Variants in ERICH1 observed in about 807,000 individuals in gnomAD.
ERICH1 encodes the protein glutamate-rich protein 1.
Under a neutral mutation model 39.6 loss-of-function variants are expected in ERICH1, and 56 were observed. The ratio of observed to expected loss-of-function variants is 1.41; its 90% CI spans 1.14 to 1.77. The LOEUF (loss-of-function observed/expected upper bound fraction) is 1.77. Ranked by LOEUF, ERICH1 falls within the 40% of genes most tolerant of loss-of-function variation. The probability of loss-of-function intolerance (pLI) is 0.00; values close to 1 mark genes in which losing one functional copy is unlikely to be tolerated. For missense variants in ERICH1, 826 were observed against 575.4 expected, an observed-to-expected ratio of 1.44 and a Z score of -4.45; for synonymous variants, 313 against 223.6, an observed-to-expected ratio of 1.40 and a Z score of -3.57.
rs775550752 is a variant in ERICH1 at position 673,670 on chromosome 8, C to A, written c.682G>T (p.Asp228Tyr). 6.2e-7 allele frequency: 1 copy of A among 1,613,446 alleles called. No individual in the cohort carries two copies. Among genetic ancestry groups the A allele is most frequent in the Non-Finnish European group, 8.5e-7 (1 of 1,179,644 alleles). ...TCCGCACCATCTTCCTCCCTGGTAT[C>A]TTTAACGTCTTCCTCCCCGGCCAGT... ...PTLAGEEDVKDTREEDGADAS... is the reference protein window; with the variant it reads ...PTLAGEEDVKYTREEDGADAS... The change falls in exon 4 of 6, where the codon GAT (aspartate) becomes TAT (tyrosine). Residue 228 changes from aspartate to tyrosine, a missense_variant. Coordinates refer to ENST00000262109, the MANE Select transcript of ERICH1 (RefSeq NM_207332.3).
chr8:626,202 G>A (rs990905472), intron 3 of ERICH1: 1 of 152,214 alleles, frequency 6.6e-6, no homozygotes. Context: ...AGAATTGTCT[G>A]TAGAGTCTGA....
At chr8:652,945 G>C (rs1800159540) in intron 3 of ERICH1, among the ~76,000 whole-genome samples, 1 of 152,222 alleles carries the variant, frequency 6.6e-6, no homozygotes, top group South Asian at 2.1e-4. Flanking sequence ...TTACAAACGA[G>C]AAATAAGTGC....
intron 2 of ERICH1, among the ~76,000 whole-genome samples, chr8:712,858 G>A (rs1472001239): frequency 1.3e-5 from 2 of 152,118 alleles, no homozygotes; most frequent in Admixed American, 6.5e-5. Flanking sequence ...TTCATTACCT[G>A]CTTTTTCTTT....
Position 731,137 on chromosome 8 carries a change from T to C in ERICH1, c.22+3A>G. 1 of 1,523,668 alleles carries C rather than the reference T, an allele frequency of 6.6e-7. No individual in the cohort carries two copies. The highest frequency in any genetic ancestry group is 8.8e-7 in the Non-Finnish European group (1 of 1,138,198). The allele number at this position is 1,523,668 out of a possible 1,614,324, so 94.4% of individuals were successfully genotyped here. ...GGCAGGCCTCCGCACCGCACCCACCTACCGTGCTTCCTGTGCGCCGCCATG... is the reference window on the plus strand; with the variant it reads ...GGCAGGCCTCCGCACCGCACCCACCCACCGTGCTTCCTGTGCGCCGCCATG... On this transcript the variant is annotated splice_donor_region_variant and intron_variant, in intron 1 of 5. Transcript: ENST00000262109.
intron 3 of ERICH1, among the ~76,000 whole-genome samples, chr8:617,678 A>G (rs1797009935): frequency 6.7e-6 from 1 of 149,464 alleles, no homozygotes; most frequent in South Asian, 2.1e-4. Context: ...GTCTATCCTC[A>G]CTGCCCTCTA....
chr8:616,451 C>T (rs1312015812), intron 3 of ERICH1: 103 of 448,694 alleles, frequency 2.3e-4, no homozygotes, highest in South Asian at 1.5e-3. Flanking sequence ...CCTGGCTAAG[C>T]GGATTCAGCG....
chr8:717,077 G>C (rs1478439871), intron 1 of ERICH1, among the ~76,000 whole-genome samples: 1 of 152,166 alleles, frequency 6.6e-6, no homozygotes, highest in Admixed American at 6.5e-5. Flanking sequence ...TGGGAGTGAG[G>C]TGCAGTGTGG....
At chr8:677,375 G>T (rs1398377221) in intron 3 of ERICH1, among the ~76,000 whole-genome samples, 1 of 152,172 alleles carries the variant, frequency 6.6e-6, no homozygotes, top group Non-Finnish European at 1.5e-5. Context: ...TGTTGTGATT[G>T]GTATCCGTTC....
At chr8:661,021 G>A (rs1801353980), downstream of ERICH1, among the ~76,000 whole-genome samples, 1 of 152,138 alleles carries the variant, frequency 6.6e-6, no homozygotes. Context: ...TCACGCAGTG[G>A]ACCAAAGCCC....
At chr8:625,136 G>A (rs1441199994) in intron 3 of ERICH1, among the ~76,000 whole-genome samples, 4 of 152,076 alleles carry the variant, frequency 2.6e-5, no homozygotes, top group African/African-American at 7.2e-5. Flanking sequence ...CTCCAACATC[G>A]GAGATTACAA....
At chr8:619,230 G>A in intron 3 of ERICH1, among the ~76,000 whole-genome samples, 1 of 152,124 alleles carries the variant, frequency 6.6e-6, no homozygotes. Context: ...TAAAGAGAAA[G>A]CCTTGAGAAC....
intron 2 of ERICH1, among the ~76,000 whole-genome samples, chr8:704,050 C>T (rs958036205): frequency 6.6e-6 from 1 of 152,306 alleles, no homozygotes; most frequent in Non-Finnish European, 1.5e-5. Context: ...ATGATGGCAA[C>T]TGCCTTCTCA....
intron 1 of ERICH1, among the ~76,000 whole-genome samples, chr8:718,906 T>C (rs1471343505): frequency 2.6e-5 from 4 of 152,162 alleles, no homozygotes; most frequent in Non-Finnish European, 5.9e-5. Flanking sequence ...GTGCGGTTTG[T>C]CATTGCACTC....
chr8:688,108 G>C (rs757601575), intron 3 of ERICH1, among the ~76,000 whole-genome samples: 157 of 152,194 alleles, frequency 1.0e-3, no homozygotes, highest in Non-Finnish European at 1.8e-3. Context: ...GCAAAAACAC[G>C]GGAGACAGGA....
intron 3 of ERICH1, among the ~76,000 whole-genome samples, chr8:652,958 G>C (rs73670349): frequency 0.018 from 2,800 of 152,314 alleles, 91 homozygotes; most frequent in African/African-American, 0.064. Context: ...ATAAGTGCTG[G>C]AGAGGATGAG....
chr8:628,282 C>G lies in ERICH1; in HGVS notation c.977-12998G>C, dbSNP rs529790652. On this transcript the variant is annotated intron_variant, in intron 3 of 3. Transcript: ENST00000522706. Reference sequence around the variant, plus strand: ...CCTGGCCAGGGCCCCTGTGTCAGCTCAGAGCTGGCTGTGGGTGGACCTGCA... The same window carrying G: ...CCTGGCCAGGGCCCCTGTGTCAGCTGAGAGCTGGCTGTGGGTGGACCTGCA... 1.0e-3 allele frequency among the ~76,000 whole-genome samples: 157 copies of G among 152,344 alleles called. 1 individual carries two copies. Among genetic ancestry groups the G allele is most frequent in the African/African-American group, 3.7e-3 (153 of 41,582 alleles).
At position 720,575 on chromosome 8, in the gene ERICH1, G is replaced by C; in HGVS notation, c.23-4568C>G. On this transcript the variant is annotated intron_variant, in intron 1 of 5. Coordinates refer to ENST00000262109, the MANE Select transcript of ERICH1 (RefSeq NM_207332.3). Reference sequence around the variant, plus strand: ...GGAGGGTGGGAGTGGGAAGAAGGCCGTAGGGATTTGGATGTGCTAATTCAC... The same window carrying C: ...GGAGGGTGGGAGTGGGAAGAAGGCCCTAGGGATTTGGATGTGCTAATTCAC... Among the ~76,000 whole-genome samples the C allele has an allele frequency of 1.3e-5, 2 of 152,318 alleles. 1 individual carries two copies. Among genetic ancestry groups the C allele is most frequent in the Middle Eastern group, 6.8e-3 (2 of 294 alleles).
At chr8:616,607 G>A (rs1456894899) in intron 3 of ERICH1, 1 of 455,628 alleles carries the variant, frequency 2.2e-6, no homozygotes, top group South Asian at 1.6e-5. Context: ...GAGAGAATAA[G>A]AGTGAGTGGG....
chr8:679,537 G>A (rs1055683652), intron 3 of ERICH1, among the ~76,000 whole-genome samples: 3 of 151,478 alleles, frequency 2.0e-5, no homozygotes, highest in East Asian at 2.0e-4. Flanking sequence ...GGAGGGCCAC[G>A]GGCCCATCTC....
Sources: gnomAD v4.1 joint callset for allele counts (sites outside exome capture counted in the v4.1 genomes callset) on GRCh38, gnomAD v4.1.1 for gene constraint, MANE v1.5 for transcripts, NCBI Gene and HGNC (gene_info 2026-07-23, HGNC 2026-07-21) for gene names.